The following ERICH2 variants were observed in gnomAD, a reference collection of about 807,000 sequenced individuals.
ERICH2 encodes glutamate rich 2.
In ERICH2, 17 loss-of-function variants were observed where a neutral mutation model predicts 17.4. That is an observed-to-expected ratio of 0.98 (90% CI 0.67 to 1.47). The LOEUF is 1.47. Ranked by LOEUF, ERICH2 falls within the 40% of genes most tolerant of loss-of-function variation. The pLI, the probability that ERICH2 is intolerant of heterozygous loss-of-function variation, is 0.00. For missense variants in ERICH2, 186 were observed against 183.2 expected (o/e 1.01, Z -0.09); for synonymous variants, 51 against 61.1 (o/e 0.83, Z 0.77).
At chr2:170,782,426 G>T (rs929981958), upstream of ERICH2, 53 of 951,230 alleles carry the variant, frequency 5.6e-5, no homozygotes, top group East Asian at 1.2e-4. Context: ...ACTAACTATG[G>T]CTTCTAATTG....
At chr2:170,798,620 CA>C (rs1253580171) in intron 4 of ERICH2, 149 bp from the exon 10 acceptor site, 1 of 741,906 alleles carries the variant, frequency 1.3e-6, no homozygotes, top group East Asian at 2.7e-5. Context: ...TTTGTACTAC[CA>C]TTTGACCCTA....
upstream of ERICH2, among the ~76,000 whole-genome samples, chr2:170,780,081 G>A (rs183016821): frequency 1.3e-5 from 2 of 152,166 alleles, no homozygotes; most frequent in East Asian, 3.9e-4. Context: ...ATGTTCCAAT[G>A]GAATGTCTAA....
chr2:170,774,938 A>G, the ERICH2 span, among the ~76,000 whole-genome samples: 1 of 152,078 alleles, frequency 6.6e-6, no homozygotes, highest in Non-Finnish European at 1.5e-5. Context: ...ATGAAAGGAG[A>G]TGAAATGGAC....
intron 2 of ERICH2, among the ~76,000 whole-genome samples, chr2:170,787,860 A>C (rs1701193224): frequency 6.6e-6 from 1 of 152,198 alleles, no homozygotes; most frequent in Non-Finnish European, 1.5e-5. Context: ...CCCTACTCTA[A>C]GAAATATCAC....
intron 2 of ERICH2, among the ~76,000 whole-genome samples, chr2:170,787,177 G>A (rs191346444): frequency 1.8e-4 from 27 of 152,208 alleles, no homozygotes; most frequent in Admixed American, 1.6e-3. Context: ...TCAGCCTCCT[G>A]AATAGCTGGG....
exon 5 of ERICH2, chr2:170,798,920 A>C: frequency 6.5e-7 from 1 of 1,549,744 alleles, no homozygotes; most frequent in South Asian, 1.2e-5. Flanking sequence ...TTGAAGCTTC[A>C]TGTATTTTCA....
At chr2:170,782,856 G>C (rs906474447), upstream of ERICH2, among the ~76,000 whole-genome samples, 9 of 152,200 alleles carry the variant, frequency 5.9e-5, no homozygotes, top group Non-Finnish European at 1.0e-4. Context: ...CAAGGCAAGA[G>C]GATCAGCCCA....
the ERICH2 span, among the ~76,000 whole-genome samples, chr2:170,772,714 G>GT: frequency 6.6e-6 from 1 of 152,160 alleles, no homozygotes; most frequent in Admixed American, 6.5e-5. Context: ...ATCATGTAAT[G>GT]TTTCCCCCAC....
At chr2:170,796,237 T>G (rs4668318) in intron 3 of ERICH2, among the ~76,000 whole-genome samples, 3,088 of 152,264 alleles carry the variant, frequency 0.02, 124 homozygotes, top group Admixed American at 0.1. Context: ...ACTTACAGGA[T>G]CCTTAAAAGC....
the ERICH2 span, chr2:170,777,820 G>T: frequency 1.0e-5 from 4 of 399,824 alleles, no homozygotes; most frequent in South Asian, 5.7e-4. Flanking sequence ...TTTTGCTGCA[G>T]TCAAAGCAAT....
chr2:170,792,567 T>A (rs1701314524), intron 2 of ERICH2, among the ~76,000 whole-genome samples: 1 of 152,218 alleles, frequency 6.6e-6, no homozygotes, highest in Admixed American at 6.5e-5. Context: ...AAGTGATTAA[T>A]GTCTTCACTA....
chr2:170,778,984 T>C (rs6726371), upstream of ERICH2, among the ~76,000 whole-genome samples: 63,220 of 151,490 alleles, frequency 0.42, 14,299 homozygotes, highest in African/African-American at 0.58. Context: ...CCTAATTGCA[T>C]CTGCCTCTCA....
chr2:170,771,808 A>G, the ERICH2 span, among the ~76,000 whole-genome samples: 1 of 152,030 alleles, frequency 6.6e-6, no homozygotes, highest in Admixed American at 6.5e-5. The surrounding 1 kb of genome is among the most constrained non-coding windows in gnomAD (Gnocchi z 4.8). Flanking sequence ...TACTCAAACT[A>G]CTCTACACTG....
intron 2 of ERICH2, among the ~76,000 whole-genome samples, chr2:170,792,602 A>T (rs1701315365): frequency 1.3e-5 from 2 of 152,240 alleles, no homozygotes; most frequent in African/African-American, 2.4e-5. Context: ...ATCAACCTAC[A>T]TATTCTCAAA....
the ERICH2 span, among the ~76,000 whole-genome samples, chr2:170,776,488 A>C: frequency 3.9e-5 from 6 of 151,916 alleles, no homozygotes; most frequent in African/African-American, 1.5e-4. Flanking sequence ...AGCTATTCTC[A>C]TATCTCAGCC....
chr2:170,784,747 G>T (rs753837302), exon 2 of ERICH2: 47 of 1,546,156 alleles, frequency 3.0e-5, no homozygotes, highest in Admixed American at 2.4e-4. Context: ...AGAGGATGAT[G>T]GTGAAGATGA....
chr2:170,783,470 A>G (rs1028589559), upstream of ERICH2, among the ~76,000 whole-genome samples: 1 of 152,114 alleles, frequency 6.6e-6, no homozygotes, highest in African/African-American at 2.4e-5. Context: ...ACTCGCTTGA[A>G]CCTGGGGAGC....
rs1198269713 is a variant in ERICH2 at position 170,798,045 on chromosome 2, A to T, written c.279A>T (p.Leu93=). ...GTTGTCCATTTTCATTTTCAGTCCT[A>T]ATCTATGAACCAGAAAATCCTGAGG... The change falls in exon 4 of 5, where the codon CTA becomes CTT. Residue 93 remains leucine (L), a synonymous_variant. Transcript: ENST00000409885. 5 of 1,546,306 alleles carry T rather than the reference A, an allele frequency of 3.2e-6. No individual in the cohort carries two copies. The African/African-American group carries it at 4.1e-5, about 13-fold the overall frequency.
the ERICH2 span, among the ~76,000 whole-genome samples, chr2:170,778,494 T>C: frequency 6.6e-6 from 1 of 152,050 alleles, no homozygotes; most frequent in South Asian, 2.1e-4. Flanking sequence ...AAACGAAAAA[T>C]GTCCACCTTG....
Sources: allele counts gnomAD v4.1 joint callset (sites outside exome capture counted in the v4.1 genomes callset), GRCh38; gene constraint gnomAD v4.1.1; non-coding constraint Gnocchi (gnomAD v3.1); transcripts MANE v1.5; gene names NCBI Gene and HGNC (gene_info 2026-07-23, HGNC 2026-07-21).